Variants in LIMD1 observed in about 807,000 individuals in gnomAD.
The protein encoded by LIMD1 is LIM domain containing 1.
A neutral mutation model predicts 58.4 loss-of-function variants in LIMD1; 23 were observed. That is an observed-to-expected ratio of 0.39 (90% confidence interval 0.28 to 0.56). The LOEUF (loss-of-function observed/expected upper bound fraction) is 0.56, where lower values mean the gene tolerates loss of function less well. LIMD1 is among the 20% of genes least tolerant of loss of function. The pLI is 0.57. For synonymous variants in LIMD1, 334 were observed against 345.5 expected (o/e 0.97, Z 0.37); for missense variants, 838 against 855.5 (o/e 0.98, Z 0.25).
Position 45,659,015 on chromosome 3 carries a change from T to C in LIMD1, c.1511-6635T>C, listed in dbSNP as rs1697389791. Among the ~76,000 whole-genome samples, 3 of 152,184 alleles carry C rather than the reference T, an allele frequency of 2.0e-5. No homozygotes were observed. In the South Asian group the frequency reaches 6.2e-4, roughly 31 times the overall value. ...ACATTATAACATAAGGGTTTTCTTT[T>C]AAGATTAAAAGTATTTTTTCATATT... On this transcript the variant is annotated intron_variant, in intron 2 of 7. Coordinates refer to ENST00000273317, the MANE Select transcript of LIMD1 (RefSeq NM_014240.3).
intron 2 of LIMD1, among the ~76,000 whole-genome samples, chr3:45,662,305 G>C (rs2578665): frequency 6.6e-6 from 1 of 151,794 alleles, no homozygotes; most frequent in Non-Finnish European, 1.5e-5. Context: ...GTGTGTGCGC[G>C]TGTAAAACCT....
intron 1 of LIMD1, among the ~76,000 whole-genome samples, chr3:45,606,799 T>C (rs1358829384): frequency 6.6e-6 from 1 of 152,176 alleles, no homozygotes; most frequent in Non-Finnish European, 1.5e-5. Context: ...TGTTTTGTTT[T>C]GTCTTTTGTT....
chr3:45,666,117 A>G lies in LIMD1; in HGVS notation c.1578+400A>G, dbSNP rs150779455. 9.4e-3 allele frequency among the ~76,000 whole-genome samples: 1,431 copies of G among 151,804 alleles called. 15 individuals are homozygous for G. The highest frequency in any genetic ancestry group is 0.033 in the African/African-American group (1,348 of 41,338). ...CAGACCTGAGCTCTAGCCCTGCCGC[A>G]CCTCTGAGGCCAGCTGCTGGCATCC... On this transcript the variant is annotated intron_variant, in intron 3 of 7. Transcript: ENST00000273317.
At chr3:45,657,621 C>T (rs1450370742) in intron 2 of LIMD1, among the ~76,000 whole-genome samples, 3 of 151,760 alleles carry the variant, frequency 2.0e-5, no homozygotes, top group African/African-American at 7.3e-5. Flanking sequence ...GTGCATCCAA[C>T]AAGCATTAAA....
At chr3:45,655,541 C>A (rs1702019600) in intron 2 of LIMD1, among the ~76,000 whole-genome samples, 1 of 152,170 alleles carries the variant, frequency 6.6e-6, no homozygotes, top group African/African-American at 2.4e-5. Flanking sequence ...GAGGCATAGT[C>A]TGACTTGGTG....
At chr3:45,625,689 TGG>T (rs1701663219) in intron 1 of LIMD1, among the ~76,000 whole-genome samples, 1 of 152,274 alleles carries the variant, frequency 6.6e-6, no homozygotes, top group East Asian at 1.9e-4. Flanking sequence ...AGCGGGTTCC[TGG>T]TAAAAGGATG....
chr3:45,650,591 G>A (rs976499167), intron 2 of LIMD1, among the ~76,000 whole-genome samples: 1 of 146,690 alleles, frequency 6.8e-6, no homozygotes, highest in African/African-American at 2.5e-5. Flanking sequence ...TGCGGTATTT[G>A]GTTTTCTGTC....
chr3:45,675,298 G>C (rs1013198669), intron 7 of LIMD1, among the ~76,000 whole-genome samples: 1 of 152,190 alleles, frequency 6.6e-6, no homozygotes, highest in Non-Finnish European at 1.5e-5. Context: ...GGGAGGCCAA[G>C]GCCGGCAGAT....
intron 1 of LIMD1, among the ~76,000 whole-genome samples, chr3:45,611,176 C>T (rs1444607732): frequency 6.6e-6 from 1 of 152,308 alleles, no homozygotes; most frequent in African/African-American, 2.4e-5. Context: ...CAAGCCCAAT[C>T]GATTTGTTCA....
At chr3:45,668,400 G>A (rs1559526012) in intron 4 of LIMD1, 44 bp downstream of exon 4, 1 of 1,447,254 alleles carries the variant, frequency 6.9e-7, no homozygotes, top group Non-Finnish European at 9.6e-7. Flanking sequence ...TCAGGTGGAG[G>A]AGGAGGTGTT....
intron 2 of LIMD1, 118 bp downstream of exon 2, chr3:45,636,369 C>A: frequency 1.4e-6 from 1 of 735,638 alleles, no homozygotes. Context: ...TCCTCAGCCC[C>A]ACAGAAAAGC....
intron 2 of LIMD1, among the ~76,000 whole-genome samples, chr3:45,656,383 G>A (rs1436994115): frequency 6.6e-6 from 1 of 150,686 alleles, no homozygotes; most frequent in Non-Finnish European, 1.5e-5. Context: ...ACCTGGGTTC[G>A]AATCTCAACT....
intron 1 of LIMD1, among the ~76,000 whole-genome samples, chr3:45,602,248 TG>T (rs1358574618): frequency 6.6e-6 from 1 of 152,072 alleles, no homozygotes; most frequent in Non-Finnish European, 1.5e-5. Context: ...GCGCCCGGCC[TG>T]GGCTGTGGAC....
chr3:45,674,306 G>C, intron 6 of LIMD1, 37 bp from the exon 7 acceptor site: 1 of 1,583,962 alleles, frequency 6.3e-7, no homozygotes, highest in Non-Finnish European at 8.7e-7. Context: ...CCCCTAACAG[G>C]CCTCTCCTAT....
intron 1 of LIMD1, among the ~76,000 whole-genome samples, chr3:45,618,195 C>T (rs550752871): frequency 4.6e-5 from 7 of 152,086 alleles, no homozygotes; most frequent in African/African-American, 7.2e-5. Context: ...CAGTTGAAAG[C>T]GTGCTGAGTG....
intron 2 of LIMD1, among the ~76,000 whole-genome samples, chr3:45,660,026 C>G (rs1697407899): frequency 6.6e-6 from 1 of 152,232 alleles, no homozygotes; most frequent in African/African-American, 2.4e-5. Context: ...TGATCTTCCT[C>G]TGTGATTTTT....
At chr3:45,653,056 G>C (rs1423393669) in intron 2 of LIMD1, among the ~76,000 whole-genome samples, 2 of 152,200 alleles carry the variant, frequency 1.3e-5, no homozygotes, top group Non-Finnish European at 2.9e-5. Context: ...GAGTGGCTTT[G>C]TGTCAGTTGA....
At chr3:45,649,664 GA>G (rs1701943745) in intron 2 of LIMD1, among the ~76,000 whole-genome samples, 1 of 144,054 alleles carries the variant, frequency 6.9e-6, no homozygotes, top group African/African-American at 2.6e-5. Context: ...CTGGGCAACA[GA>G]GTGAGACTCT....
intron 1 of LIMD1, among the ~76,000 whole-genome samples, chr3:45,631,944 C>T (rs900018099): frequency 2.6e-5 from 4 of 152,118 alleles, no homozygotes; most frequent in South Asian, 4.1e-4. Context: ...TCTTGCAGGA[C>T]GGTCCTCTTC....
Sources: allele counts gnomAD v4.1 joint callset (sites outside exome capture counted in the v4.1 genomes callset), GRCh38; gene constraint gnomAD v4.1.1; transcripts MANE v1.5; gene names NCBI Gene and HGNC (gene_info 2026-07-23, HGNC 2026-07-21).